Variants in EYS observed in about 807,000 individuals in gnomAD.
The protein encoded by EYS is protein eyes shut homolog.
EYS carries 250 observed loss-of-function variants against 282.1 expected under a neutral mutation model. That is an observed-to-expected ratio of 0.89 (90% CI 0.80 to 0.98). The LOEUF (loss-of-function observed/expected upper bound fraction) is 0.98. Ranked by LOEUF, EYS falls within the 50% of genes least tolerant of loss-of-function variation. EYS has a pLI of 0.00. For synonymous variants in EYS, 1,355 were observed against 1,282.9 expected, an observed-to-expected ratio of 1.06 and a Z score of -1.20; for missense variants, 4,016 against 3,709.0, an observed-to-expected ratio of 1.08 and a Z score of -2.15.
intron 13 of EYS, among the ~76,000 whole-genome samples, chr6:65,000,295 G>C (rs987311366): frequency 3.9e-5 from 6 of 152,162 alleles, no homozygotes; most frequent in African/African-American, 1.2e-4. Flanking sequence ...ATTAGTCTGT[G>C]TTTATAAATA....
intron 22 of EYS, among the ~76,000 whole-genome samples, chr6:64,777,029 GGAGA>G (rs1258804499): frequency 7.9e-5 from 12 of 152,164 alleles, no homozygotes; most frequent in Non-Finnish European, 1.8e-4. Flanking sequence ...CAGGAGAGCA[GGAGA>G]GAGAATGAGA....
intron 15 of EYS, among the ~76,000 whole-genome samples, chr6:64,927,589 T>C (rs576702856): frequency 6.6e-6 from 1 of 152,060 alleles, no homozygotes. Flanking sequence ...TGGCAAGGAG[T>C]TACAGGTGAC....
intron 36 of EYS, among the ~76,000 whole-genome samples, chr6:63,858,945 G>A (rs544373344): frequency 3.3e-5 from 5 of 152,034 alleles, no homozygotes; most frequent in African/African-American, 4.8e-5. Context: ...GATTATTCGT[G>A]TCCCTGGAGC....
intron 13 of EYS, among the ~76,000 whole-genome samples, chr6:65,029,682 G>A (rs1191080450): frequency 6.6e-6 from 1 of 152,070 alleles, no homozygotes; most frequent in Non-Finnish European, 1.5e-5. Context: ...TACAAGAGGA[G>A]AAGGAGCCAA....
chr6:63,769,097 G>A (rs1409199259), intron 40 of EYS, among the ~76,000 whole-genome samples: 1 of 151,976 alleles, frequency 6.6e-6, no homozygotes, highest in East Asian at 1.9e-4. Context: ...GAGGGAATGT[G>A]GGGTGAAAAA....
intron 22 of EYS, among the ~76,000 whole-genome samples, chr6:64,686,534 G>A (rs1237008983): frequency 2.0e-5 from 3 of 150,970 alleles, no homozygotes; most frequent in South Asian, 2.1e-4. Flanking sequence ...GAGGTCAGGA[G>A]ATCGAGACCA....
At chr6:64,094,993 G>T (rs577863073) in intron 31 of EYS, among the ~76,000 whole-genome samples, 1 of 152,216 alleles carries the variant, frequency 6.6e-6, no homozygotes, top group South Asian at 2.1e-4. Flanking sequence ...CTTTATTTCT[G>T]CCTTCATTTC....
intron 7 of EYS, among the ~76,000 whole-genome samples, chr6:65,401,607 T>C (rs1017697081): frequency 6.6e-6 from 1 of 151,896 alleles, no homozygotes; most frequent in Non-Finnish European, 1.5e-5. Flanking sequence ...TAAGGTTTAT[T>C]GTCAGTTCTT....
chr6:63,831,531 T>C (rs1479805385), intron 36 of EYS, among the ~76,000 whole-genome samples: 4 of 152,136 alleles, frequency 2.6e-5, no homozygotes, highest in African/African-American at 9.7e-5. Context: ...TAAATATATA[T>C]ATGCACCCAA....
At chr6:64,430,496 T>A (rs1774541474) in intron 28 of EYS, among the ~76,000 whole-genome samples, 1 of 152,198 alleles carries the variant, frequency 6.6e-6, no homozygotes, top group African/African-American at 2.4e-5. Context: ...TTGTAAGCAA[T>A]GCAATAAACC....
At chr6:65,609,079 C>A (rs1443387309) in intron 2 of EYS, among the ~76,000 whole-genome samples, 4 of 151,900 alleles carry the variant, frequency 2.6e-5, no homozygotes, top group African/African-American at 7.3e-5. Flanking sequence ...ATAACATAAT[C>A]TTTTATTATA....
Position 64,525,680 on chromosome 6 carries a change from T to TTAAAAA in EYS, c.5644+64537_5644+64542dup, listed in dbSNP as rs1022883915. ...ATACTCCTGAACCTAAATTAAAAGC[T>TTAAAAA]TAAAAATAAAAATAAAAATAAAAAA... On this transcript the variant is annotated intron_variant, in intron 26 of 42. Coordinates refer to ENST00000503581, the MANE Select transcript of EYS (RefSeq NM_001142800.2). Among the ~76,000 whole-genome samples the TTAAAAA allele has an allele frequency of 4.6e-5, 7 of 151,612 alleles. No individual in the cohort carries two copies. The South Asian group carries it at 6.2e-4, about 14-fold the overall frequency.
intron 2 of EYS, among the ~76,000 whole-genome samples, chr6:65,578,695 T>C (rs1179000378): frequency 6.6e-6 from 1 of 152,076 alleles, no homozygotes; most frequent in Non-Finnish European, 1.5e-5. Flanking sequence ...CAATACATGT[T>C]GTATACCACA....
At chr6:64,958,728 C>A (rs1428003443) in intron 14 of EYS, among the ~76,000 whole-genome samples, 1 of 88,516 alleles carries the variant, frequency 1.1e-5, no homozygotes, top group African/African-American at 3.6e-5. Flanking sequence ...AAACGAGACT[C>A]CGTCTCAAAA....
intron 31 of EYS, among the ~76,000 whole-genome samples, chr6:64,187,994 T>C (rs1764997272): frequency 6.6e-6 from 1 of 152,114 alleles, no homozygotes; most frequent in South Asian, 2.1e-4. Flanking sequence ...TTCTGTAACA[T>C]ACAAAGTAAT....
chr6:65,083,919 T>C (rs1215549499), intron 12 of EYS, among the ~76,000 whole-genome samples: 1 of 151,794 alleles, frequency 6.6e-6, no homozygotes, highest in Admixed American at 6.6e-5. Context: ...GGTTGACATG[T>C]ATATTTCTCA....
intron 22 of EYS, among the ~76,000 whole-genome samples, chr6:64,738,178 A>C (rs1327667468): frequency 6.6e-6 from 1 of 152,208 alleles, no homozygotes; most frequent in Non-Finnish European, 1.5e-5. Flanking sequence ...CCAATGTTGC[A>C]GATGGGGTCT....
chr6:64,846,439 T>C (rs1254889579), intron 19 of EYS, among the ~76,000 whole-genome samples: 1 of 152,096 alleles, frequency 6.6e-6, no homozygotes, highest in Non-Finnish European at 1.5e-5. Context: ...CATTAGTAGC[T>C]TTTGGTTAGA....
intron 12 of EYS, among the ~76,000 whole-genome samples, chr6:65,248,911 G>A (rs1200760821): frequency 2.0e-5 from 3 of 151,876 alleles, no homozygotes; most frequent in Non-Finnish European, 4.4e-5. Flanking sequence ...AAGAATAGGA[G>A]GTCCTATAAT....
Sources: gnomAD v4.1 joint callset for allele counts (sites outside exome capture counted in the v4.1 genomes callset) on GRCh38, gnomAD v4.1.1 for gene constraint, MANE v1.5 for transcripts, NCBI Gene and HGNC (gene_info 2026-07-23, HGNC 2026-07-21) for gene names.